PREX1: variants seen among roughly 807,000 people sequenced by gnomAD.
PREX1 encodes phosphatidylinositol-3,4,5-trisphosphate dependent Rac exchange factor 1.
A neutral mutation model predicts 198.3 loss-of-function variants in PREX1; 41 were observed. That is an observed-to-expected ratio of 0.21 (90% CI 0.16 to 0.27). PREX1 has a LOEUF of 0.27. PREX1 is among the 10% of genes least tolerant of loss of function. The pLI is 1.00. For missense variants in PREX1, 1,620 were observed against 2,200.7 expected (o/e 0.74, Z 5.28); for synonymous variants, 843 against 887.2 (o/e 0.95, Z 0.89).
At chr20:48,761,133 C>T (rs190868647) in intron 1 of PREX1, among the ~76,000 whole-genome samples, 5 of 152,324 alleles carry the variant, frequency 3.3e-5, no homozygotes, top group Non-Finnish European at 7.4e-5. Flanking sequence ...AGGGAGCAAA[C>T]AGCATTGCGT....
chr20:48,764,419 A>G (rs2090198594), intron 1 of PREX1, among the ~76,000 whole-genome samples: 1 of 152,188 alleles, frequency 6.6e-6, no homozygotes, highest in Non-Finnish European at 1.5e-5. Context: ...TGATTAAGGT[A>G]AGGATCTTGG....
intron 7 of PREX1, among the ~76,000 whole-genome samples, chr20:48,700,311 C>T (rs2089867235): frequency 6.6e-6 from 1 of 152,206 alleles, no homozygotes; most frequent in Admixed American, 6.5e-5. Context: ...AATATGGTAG[C>T]CACGAGCCAC....
intron 1 of PREX1, among the ~76,000 whole-genome samples, chr20:48,790,543 C>T (rs1009532344): frequency 6.6e-6 from 1 of 152,156 alleles, no homozygotes; most frequent in Non-Finnish European, 1.5e-5. Context: ...CAGGCTGCCT[C>T]TCGAGACAGC....
At chr20:48,679,322 G>C (rs1463244420) in intron 13 of PREX1, 38 bp downstream of exon 13, 2 of 1,577,118 alleles carry the variant, frequency 1.3e-6, no homozygotes, top group African/African-American at 2.7e-5. Flanking sequence ...GCTGAGAAGA[G>C]GTAGAGGTGA....
intron 29 of PREX1, among the ~76,000 whole-genome samples, chr20:48,641,842 GGAAGGAAGGAAGGAAGGAAGGA>G (rs1420120528): frequency 0.025 from 371 of 14,764 alleles, 7 homozygotes; most frequent in Middle Eastern, 0.11. Context: ...GAGAGAGAGA[GGAAGGAAGGAAGGAAGGAAGGA>G]AGGAAGGAAG....
the PREX1 span, among the ~76,000 whole-genome samples, chr20:48,842,939 A>G: frequency 1.3e-5 from 2 of 152,172 alleles, no homozygotes; most frequent in Non-Finnish European, 2.9e-5. Context: ...TATTTTGCTC[A>G]TTGCTGTATG....
chr20:48,758,850 C>T (rs746177742), intron 1 of PREX1, among the ~76,000 whole-genome samples: 1 of 152,150 alleles, frequency 6.6e-6, no homozygotes, highest in African/African-American at 2.4e-5. Context: ...CCTCACAGCA[C>T]CTGTCACCAT....
intron 5 of PREX1, among the ~76,000 whole-genome samples, chr20:48,710,012 G>A (rs1157371454): frequency 2.0e-5 from 3 of 152,178 alleles, no homozygotes; most frequent in East Asian, 1.9e-4. Flanking sequence ...CTCTTGCCAC[G>A]CACCCAGGCA....
chr20:48,676,133 A>G lies in PREX1; in HGVS notation c.1665+60T>C, dbSNP rs374523931. On this transcript the variant is annotated intron_variant, in intron 14 of 39. Coordinates refer to ENST00000371941, the MANE Select transcript of PREX1 (RefSeq NM_020820.4). Reference sequence around the variant, plus strand: ...AGAAAAAATCTTTAAACAAAACAGAAAGCCCCACACTGACGGACAAAGCAG... The same window carrying G: ...AGAAAAAATCTTTAAACAAAACAGAGAGCCCCACACTGACGGACAAAGCAG... 1.5e-5 allele frequency: 22 copies of G among 1,505,108 alleles called. No homozygotes were observed. The African/African-American group carries it at 2.6e-4, about 18-fold the overall frequency. The allele number at this position is 1,505,108 out of a possible 1,614,324, so 93.2% of individuals were successfully genotyped here. A position where few individuals can be genotyped will look rare whatever the true frequency, so the allele number is the denominator to read the frequency against.
At chr20:48,802,003 C>A (rs551106172) in intron 1 of PREX1, among the ~76,000 whole-genome samples, 1 of 152,310 alleles carries the variant, frequency 6.6e-6, no homozygotes, top group Non-Finnish European at 1.5e-5. Flanking sequence ...CATCAGACAC[C>A]ATGGCCATGC....
chr20:48,715,541 A>T (rs2089958208), intron 5 of PREX1, among the ~76,000 whole-genome samples: 1 of 152,198 alleles, frequency 6.6e-6, no homozygotes, highest in South Asian at 2.1e-4. Context: ...GGCCTTGCAC[A>T]AGTGGCCTCA....
At chr20:48,721,760 C>T (rs576432752) in intron 5 of PREX1, among the ~76,000 whole-genome samples, 70 of 152,250 alleles carry the variant, frequency 4.6e-4, no homozygotes, top group African/African-American at 1.5e-3. Context: ...CAGGGAGGCC[C>T]GCTGGGGCCG....
chr20:48,859,059 C>T, the PREX1 span, among the ~76,000 whole-genome samples: 128 of 151,986 alleles, frequency 8.4e-4, no homozygotes, highest in African/African-American at 3.0e-3. Context: ...CCCTGCCCAG[C>T]TCATTATTTT....
In PREX1 at chr20:48,772,976, T is replaced by C. The variant is rs113607189; in HGVS notation, c.220-25096A>G. ...GCACACAGTAGGTGCTCAAGAAATG[T>C]CCATAACTGGCCAGGCGCGGTGGCT... On this transcript the variant is annotated intron_variant, in intron 1 of 39. Coordinates refer to ENST00000371941, the MANE Select transcript of PREX1 (RefSeq NM_020820.4). Among the ~76,000 whole-genome samples, 14 of 152,228 alleles carry C rather than the reference T, an allele frequency of 9.2e-5. 1 individual carries two copies. The highest frequency in any genetic ancestry group is 3.4e-4 in the African/African-American group (14 of 41,514).
intron 1 of PREX1, among the ~76,000 whole-genome samples, chr20:48,802,840 G>A (rs2090393748): frequency 6.6e-6 from 1 of 152,200 alleles, no homozygotes; most frequent in Admixed American, 6.5e-5. Context: ...TTTGCAACAA[G>A]GGCTCTGAGA....
chr20:48,862,790 A>AAAAATATATATATAT, the PREX1 span, among the ~76,000 whole-genome samples: 1 of 102,584 alleles, frequency 9.7e-6, no homozygotes, highest in African/African-American at 4.4e-5. Context: ...TAAAAAAAAA[A>AAAAATATATATATAT]ATATATATAT....
chr20:48,812,583 T>C (rs1007498929), intron 1 of PREX1, among the ~76,000 whole-genome samples: 19 of 152,066 alleles, frequency 1.2e-4, no homozygotes, highest in Non-Finnish European at 2.1e-4. Flanking sequence ...CTTATAAGTA[T>C]AGCTAATATA....
intron 1 of PREX1, among the ~76,000 whole-genome samples, chr20:48,783,569 G>A (rs2090299482): frequency 1.3e-5 from 2 of 152,138 alleles, no homozygotes; most frequent in Non-Finnish European, 1.5e-5. Context: ...CCCACAGGTG[G>A]GGGCTGGCAC....
chr20:48,785,700 TCACCACCTC>T (rs958384137), intron 1 of PREX1, among the ~76,000 whole-genome samples: 4 of 152,162 alleles, frequency 2.6e-5, no homozygotes, highest in African/African-American at 7.2e-5. Context: ...CTTCAAGATG[TCACCACCTC>T]CACCGGTGCC....
Sources: allele counts gnomAD v4.1 joint callset (sites outside exome capture counted in the v4.1 genomes callset), GRCh38; gene constraint gnomAD v4.1.1; transcripts MANE v1.5; gene names NCBI Gene and HGNC (gene_info 2026-07-23, HGNC 2026-07-21).